Variants in RORA observed in about 807,000 individuals in gnomAD.
The protein encoded by RORA is RAR related orphan receptor A.
A neutral mutation model predicts 69.5 loss-of-function variants in RORA; 7 were observed. That is an observed-to-expected ratio of 0.10 (90% confidence interval 0.06 to 0.19). The LOEUF is 0.19. Ranked by LOEUF, RORA falls within the 10% of genes least tolerant of loss-of-function variation. The pLI is 1.00. For synonymous variants in RORA, 261 were observed against 240.8 expected (o/e 1.08, Z -0.78); for missense variants, 457 against 663.0 (o/e 0.69, Z 3.41).
intron 2 of RORA, among the ~76,000 whole-genome samples, chr15:60,617,979 G>T (rs1362740330): frequency 2.6e-5 from 4 of 152,160 alleles, no homozygotes; most frequent in Non-Finnish European, 5.9e-5. Context: ...CCAAACTCTG[G>T]TTCTTAAAAC....
chr15:61,010,221 C>T (rs1248149367), intron 1 of RORA, among the ~76,000 whole-genome samples: 2 of 152,176 alleles, frequency 1.3e-5, no homozygotes, highest in East Asian at 3.8e-4. Context: ...AGAGGAAACA[C>T]TTCTATTTGA....
chr15:61,136,845 A>G, intron 1 of RORA, among the ~76,000 whole-genome samples: 1 of 152,078 alleles, frequency 6.6e-6, no homozygotes, highest in East Asian at 1.9e-4. Flanking sequence ...GTCTTAAAAT[A>G]AGGCTCATGA....
At chr15:61,043,561 T>C (rs1039008349) in intron 1 of RORA, among the ~76,000 whole-genome samples, 1 of 152,204 alleles carries the variant, frequency 6.6e-6, no homozygotes, top group Non-Finnish European at 1.5e-5. Flanking sequence ...TCAGAGCTAA[T>C]TGGACATCAG....
chr15:61,174,761 G>T lies in RORA; in HGVS notation c.166+54292C>A, dbSNP rs557283600. Among the ~76,000 whole-genome samples the T allele has an allele frequency of 3.2e-4, 49 of 152,284 alleles. 1 individual carries two copies. The highest frequency in any genetic ancestry group is 1.2e-3 in the African/African-American group (48 of 41,550). On this transcript the variant is annotated intron_variant, in intron 1 of 10. Transcript: ENST00000335670. ...CCTGCATCTGTTCCGTAGGGAAAGAGAATTTTACTGATTGCCAGCTAATGT... is the reference window on the plus strand; with the variant it reads ...CCTGCATCTGTTCCGTAGGGAAAGATAATTTTACTGATTGCCAGCTAATGT...
At position 60,495,653 on chromosome 15, in the gene RORA, G is replaced by C. The variant is rs1040752016; in HGVS notation, c.*1802C>G. On this transcript the variant is annotated 3_prime_UTR_variant, in exon 11 of 11. Transcript: ENST00000335670. ...GGAGACTATTTCTCAGACATAAAGGGCTGCATGGAAACTCCTACCTTAACA... is the reference window on the plus strand; with the variant it reads ...GGAGACTATTTCTCAGACATAAAGGCCTGCATGGAAACTCCTACCTTAACA... The C allele has an allele frequency of 3.3e-5, 5 of 152,114 alleles. No individual in the cohort carries two copies. The highest frequency in any genetic ancestry group is 1.3e-4 in the Admixed American group (2 of 15,270). The allele number at this position is 152,114 out of a possible 1,614,324, so 9.4% of individuals were successfully genotyped here.
rs1310585017 is a variant in RORA, at chr15:61,147,361, C to A, written c.166+81692G>T. Among the ~76,000 whole-genome samples the A allele has an allele frequency of 6.6e-6, 1 of 152,152 alleles. No individual in the cohort carries two copies. Among genetic ancestry groups the A allele is most frequent in the African/African-American group, 2.4e-5 (1 of 41,448 alleles). The stretch of plus-strand genomic sequence containing the variant: ...GGCTCTTCCAGTTCCTGCTGGAAGC[C>A]ATGTTGCCTGGGCACCGTGAGGCTC... On this transcript the variant is annotated intron_variant, in intron 1 of 10. Coordinates refer to ENST00000335670, the MANE Select transcript of RORA (RefSeq NM_134261.3). This position sits in a 1 kb window ranked among gnomAD's most constrained non-coding sequence, Gnocchi z 4.1.
At chr15:61,169,861 T>C (rs2079570572) in intron 1 of RORA, among the ~76,000 whole-genome samples, 1 of 152,142 alleles carries the variant, frequency 6.6e-6, no homozygotes, top group South Asian at 2.1e-4. Flanking sequence ...ATGATGTTCC[T>C]TGGGCAGCAT....
At chr15:60,718,076 A>G (rs2071243734) in intron 1 of RORA, among the ~76,000 whole-genome samples, 1 of 152,116 alleles carries the variant, frequency 6.6e-6, no homozygotes, top group Non-Finnish European at 1.5e-5. Flanking sequence ...TTACAGGCAC[A>G]TTGCATTTTC....
Position 61,227,950 on chromosome 15 carries a change from A to C in RORA, c.166+1103T>G, listed in dbSNP as rs184674556. Among the ~76,000 whole-genome samples the C allele has an allele frequency of 8.0e-3, 1,215 of 152,292 alleles. 15 individuals carry two copies. The highest frequency in any genetic ancestry group is 0.028 in the African/African-American group (1,172 of 41,556). The stretch of plus-strand genomic sequence containing the variant: ...TCGAGAAAAACACACATCAGGTTCC[A>C]ATACCTTCAAGAAAGAGTGAGCTTT... On this transcript the variant is annotated intron_variant, in intron 1 of 10. Coordinates refer to ENST00000335670, the MANE Select transcript of RORA (RefSeq NM_134261.3).
At chr15:60,542,640 C>T (rs1196831672) in intron 2 of RORA, among the ~76,000 whole-genome samples, 1 of 124,404 alleles carries the variant, frequency 8.0e-6, no homozygotes, top group African/African-American at 3.2e-5. Flanking sequence ...ACACCTCACA[C>T]ACGACACACG....
intron 1 of RORA, among the ~76,000 whole-genome samples, chr15:61,158,121 T>TG (rs2079461903): frequency 6.6e-6 from 1 of 152,190 alleles, no homozygotes; most frequent in African/African-American, 2.4e-5. Flanking sequence ...AATGGAGTGT[T>TG]GGTCACATGT....
intron 1 of RORA, among the ~76,000 whole-genome samples, chr15:60,798,927 A>G (rs1246929252): frequency 1.4e-5 from 2 of 143,218 alleles, no homozygotes; most frequent in East Asian, 2.2e-4. Flanking sequence ...TTATTGCTCA[A>G]TAAAGGACTT....
intron 1 of RORA, among the ~76,000 whole-genome samples, chr15:60,681,208 G>T (rs1041427228): frequency 6.6e-6 from 1 of 152,120 alleles, no homozygotes; most frequent in South Asian, 2.1e-4. Flanking sequence ...TCACAGATGG[G>T]GAAACTGAGG....
chr15:61,103,825 T>A (rs1164071264), intron 1 of RORA, among the ~76,000 whole-genome samples: 1 of 150,786 alleles, frequency 6.6e-6, no homozygotes, highest in Non-Finnish European at 1.5e-5. Flanking sequence ...ACAGGCAGAA[T>A]GTGCCCTGCC....
intron 1 of RORA, among the ~76,000 whole-genome samples, chr15:60,707,593 G>A (rs1359587598): frequency 6.6e-6 from 1 of 152,070 alleles, no homozygotes; most frequent in Non-Finnish European, 1.5e-5. Flanking sequence ...TCGATCTCCT[G>A]ACCTCGTGAT....
At chr15:61,183,620 G>A (rs2079710424) in intron 1 of RORA, among the ~76,000 whole-genome samples, 1 of 151,446 alleles carries the variant, frequency 6.6e-6, no homozygotes, top group Non-Finnish European at 1.5e-5. Context: ...ACCCTTGTTA[G>A]AATCATTCAT....
At chr15:60,811,831 C>T (rs2072748773) in intron 1 of RORA, among the ~76,000 whole-genome samples, 1 of 150,886 alleles carries the variant, frequency 6.6e-6, no homozygotes, top group South Asian at 2.1e-4. Flanking sequence ...AATGTGGGTG[C>T]AAGGCCAGCC....
intron 1 of RORA, among the ~76,000 whole-genome samples, chr15:60,915,799 G>A (rs1388254727): frequency 6.6e-6 from 1 of 152,198 alleles, no homozygotes; most frequent in East Asian, 1.9e-4. Flanking sequence ...CCAACAGGCT[G>A]TGGGGCCAAG....
At chr15:60,821,386 T>G (rs2072891798) in intron 1 of RORA, among the ~76,000 whole-genome samples, 2 of 152,204 alleles carry the variant, frequency 1.3e-5, no homozygotes, top group Non-Finnish European at 1.5e-5. Flanking sequence ...GCCCGTGTCC[T>G]GGCGCCTGTG....
Sources: allele counts gnomAD v4.1 joint callset (sites outside exome capture counted in the v4.1 genomes callset), GRCh38; gene constraint gnomAD v4.1.1; non-coding constraint Gnocchi (gnomAD v3.1); transcripts MANE v1.5; gene names NCBI Gene and HGNC (gene_info 2026-07-23, HGNC 2026-07-21).